SAMD12: variants seen among roughly 807,000 people sequenced by gnomAD.
The protein encoded by SAMD12 is sterile alpha motif domain containing 12.
In SAMD12, 9 loss-of-function variants were observed where a neutral mutation model predicts 15.0. That is an observed-to-expected ratio of 0.60 (90% confidence interval 0.36 to 1.05). The LOEUF is 1.05. Ranked by LOEUF, SAMD12 falls within the 50% of genes least tolerant of loss-of-function variation. The pLI, the probability that SAMD12 is intolerant of heterozygous loss-of-function variation, is 0.01. For synonymous variants in SAMD12, 86 were observed against 90.1 expected (o/e 0.96, Z 0.25); for missense variants, 230 against 234.2 (o/e 0.98, Z 0.12).
chr8:118,584,152 C>G (rs775479687), intron 1 of SAMD12, among the ~76,000 whole-genome samples: 1 of 152,204 alleles, frequency 6.6e-6, no homozygotes, highest in Non-Finnish European at 1.5e-5. Context: ...ATTTTTCACA[C>G]AAATATTTTA....
chr8:118,396,270 T>A lies in SAMD12; in HGVS notation c.323-16570A>T, dbSNP rs117394512. ...AAATGATAATTATCATTTTAATCAC[T>A]CTGAGTTTTCTATGTGAAAGTTAAA... On this transcript the variant is annotated intron_variant, in intron 3 of 3. Coordinates refer to ENST00000314727, the MANE Select transcript of SAMD12 (RefSeq NM_207506.3). Among the ~76,000 whole-genome samples, 1,182 of 152,242 alleles carry A rather than the reference T, an allele frequency of 7.8e-3. 12 individuals are homozygous for A. The highest frequency in any genetic ancestry group is 0.011 in the Non-Finnish European group (736 of 68,018).
chr8:118,619,574 T>C, intron 1 of SAMD12, among the ~76,000 whole-genome samples: 1 of 151,930 alleles, frequency 6.6e-6, no homozygotes, highest in Non-Finnish European at 1.5e-5. Flanking sequence ...TGTACCCTTA[T>C]AGAACCAGTT....
At chr8:118,319,180 A>G (rs1389855221) in intron 4 of SAMD12, among the ~76,000 whole-genome samples, 1 of 152,200 alleles carries the variant, frequency 6.6e-6, no homozygotes, top group African/African-American at 2.4e-5. Flanking sequence ...GTACAAGGGC[A>G]CAGATGCATT....
intron 1 of SAMD12, among the ~76,000 whole-genome samples, chr8:118,588,387 G>A (rs985240728): frequency 6.6e-6 from 1 of 152,144 alleles, no homozygotes; most frequent in Non-Finnish European, 1.5e-5. Context: ...ATGGCCCATT[G>A]ACCAAATCCA....
At chr8:118,591,270 C>T (rs1827579893) in intron 1 of SAMD12, among the ~76,000 whole-genome samples, 1 of 152,096 alleles carries the variant, frequency 6.6e-6, no homozygotes, top group Admixed American at 6.5e-5. Context: ...TACATGTTTT[C>T]ATTCCTAACT....
chr8:118,253,686 T>C (rs532136256), intron 4 of SAMD12, among the ~76,000 whole-genome samples: 31 of 152,292 alleles, frequency 2.0e-4, no homozygotes, highest in Admixed American at 1.7e-3. Context: ...TTAGTGTGTG[T>C]TCAGTTAGTT....
chr8:118,391,471 T>G (rs1203129731), intron 3 of SAMD12, among the ~76,000 whole-genome samples: 3 of 152,152 alleles, frequency 2.0e-5, no homozygotes, highest in Non-Finnish European at 4.4e-5. Context: ...AAGCATTAAG[T>G]GTCTATTAAC....
At chr8:118,249,622 T>A (rs537455209) in intron 4 of SAMD12, among the ~76,000 whole-genome samples, 2 of 152,278 alleles carry the variant, frequency 1.3e-5, no homozygotes, top group Non-Finnish European at 1.5e-5. Flanking sequence ...TACAATAGTA[T>A]CTTCTAAAAG....
intron 2 of SAMD12, among the ~76,000 whole-genome samples, chr8:118,556,569 A>G (rs1826537089): frequency 6.6e-6 from 1 of 152,214 alleles, no homozygotes; most frequent in Non-Finnish European, 1.5e-5. Context: ...AATATAATTT[A>G]TATGTTATTT....
downstream of SAMD12, among the ~76,000 whole-genome samples, chr8:118,185,218 T>G (rs1453486458): frequency 6.6e-6 from 1 of 152,166 alleles, no homozygotes; most frequent in African/African-American, 2.4e-5. Flanking sequence ...AATTATGCAC[T>G]TATTTTATTT....
At chr8:118,133,022 A>ATATATATC in the SAMD12 span, among the ~76,000 whole-genome samples, 1 of 102,790 alleles carries the variant, frequency 9.7e-6, no homozygotes, top group Non-Finnish European at 2.0e-5. Flanking sequence ...ATATATATAT[A>ATATATATC]TATATCTTAT....
intron 1 of SAMD12, among the ~76,000 whole-genome samples, chr8:118,598,791 A>G (rs1316722988): frequency 6.6e-6 from 1 of 152,216 alleles, no homozygotes; most frequent in African/African-American, 2.4e-5. Flanking sequence ...TCCAGTCAAT[A>G]GTAGTCTTGG....
chr8:118,602,149 T>C (rs187331672), intron 1 of SAMD12, among the ~76,000 whole-genome samples: 15 of 152,262 alleles, frequency 9.9e-5, no homozygotes, highest in Non-Finnish European at 1.5e-4. Context: ...AAAAAAAATA[T>C]GCTTGCCCCA....
chr8:118,494,323 T>C (rs191932246), intron 2 of SAMD12, among the ~76,000 whole-genome samples: 12 of 152,338 alleles, frequency 7.9e-5, no homozygotes, highest in Non-Finnish European at 1.3e-4. Context: ...AACTACAGGA[T>C]ATAAATTTGT....
At chr8:118,142,231 A>C in the SAMD12 span, among the ~76,000 whole-genome samples, 1 of 152,190 alleles carries the variant, frequency 6.6e-6, no homozygotes, top group Non-Finnish European at 1.5e-5. Context: ...TCACTATTCA[A>C]CAATGTGTAA....
At chr8:118,523,578 A>G (rs191176095) in intron 2 of SAMD12, among the ~76,000 whole-genome samples, 60 of 152,072 alleles carry the variant, frequency 3.9e-4, no homozygotes, top group African/African-American at 1.2e-3. Context: ...ACCTGACAAA[A>G]CCCCAATCTT....
intron 3 of SAMD12, among the ~76,000 whole-genome samples, chr8:118,433,456 A>T (rs1055865754): frequency 6.6e-6 from 1 of 151,030 alleles, no homozygotes; most frequent in Non-Finnish European, 1.5e-5. Flanking sequence ...CTTGGAAGAC[A>T]TCTAAAGTCC....
intron 4 of SAMD12, among the ~76,000 whole-genome samples, chr8:118,320,674 G>GGGC (rs1816193544): frequency 1.4e-5 from 2 of 148,112 alleles, no homozygotes; most frequent in Admixed American, 6.7e-5. Context: ...TCGTGGGGTG[G>GGGC]GGGGGGTGGG....
intron 2 of SAMD12, among the ~76,000 whole-genome samples, chr8:118,548,376 AACACACATACACAC>A (rs1176436703): frequency 1.3e-4 from 16 of 126,720 alleles, no homozygotes; most frequent in African/African-American, 4.5e-4. Context: ...TTACACTAAA[AACACACATACACAC>A]ACACACACAC....
Sources: gnomAD v4.1 joint callset for allele counts (sites outside exome capture counted in the v4.1 genomes callset) on GRCh38, gnomAD v4.1.1 for gene constraint, MANE v1.5 for transcripts, NCBI Gene and HGNC (gene_info 2026-07-23, HGNC 2026-07-21) for gene names.